ZBTB17: variants seen among roughly 807,000 people sequenced by gnomAD.
ZBTB17 encodes zinc finger and BTB domain containing 17.
ZBTB17 carries 24 observed loss-of-function variants against 85.1 expected under a neutral mutation model. That is an observed-to-expected ratio of 0.28 (90% CI 0.20 to 0.40). The LOEUF is 0.40. ZBTB17 is among the 10% of genes least tolerant of loss of function. ZBTB17 has a pLI of 1.00. For synonymous variants in ZBTB17, 464 were observed against 460.2 expected (o/e 1.01, Z -0.11); for missense variants, 743 against 1,105.1 (o/e 0.67, Z 4.65).
chr1:15,955,562 A>T (rs2072017195), intron 2 of ZBTB17, among the ~76,000 whole-genome samples: 1 of 152,200 alleles, frequency 6.6e-6, no homozygotes, highest in Admixed American at 6.5e-5. Flanking sequence ...TTTGTATTAT[A>T]AAAAAACAGA....
rs530068942 is a variant in ZBTB17, at chr1:15,951,268, A to G, written c.-2-2771T>C. On this transcript the variant is annotated intron_variant, in intron 2 of 15. Transcript: ENST00000375743. The surrounding 1 kb of genome is among the most constrained non-coding windows in gnomAD (Gnocchi z 4.1). ...GATAAGAAGGGGGGAGGAAGAAGTG[A>G]AGATGGGCAAAGTAAGGGAAGGAAA... Among the ~76,000 whole-genome samples, 9 of 150,090 alleles carry G rather than the reference A, an allele frequency of 6.0e-5. No individual in the cohort carries two copies. The highest frequency in any genetic ancestry group is 2.2e-4 in the African/African-American group (9 of 40,524).
intron 1 of ZBTB17, among the ~76,000 whole-genome samples, chr1:15,975,738 G>A (rs1012586664): frequency 1.3e-5 from 2 of 152,024 alleles, no homozygotes; most frequent in African/African-American, 4.8e-5. Context: ...GAGGTGACAC[G>A]CGCCCCCTCG....
At chr1:15,974,085 G>C (rs2072768560) in intron 1 of ZBTB17, among the ~76,000 whole-genome samples, 1 of 151,960 alleles carries the variant, frequency 6.6e-6, no homozygotes, top group Admixed American at 6.5e-5. Context: ...CAGCTAGTTG[G>C]GAGGCTGAGG....
chr1:15,948,453 T>C lies in ZBTB17; in HGVS notation c.43A>G (p.Asn15Asp). 1 of 1,614,068 alleles carries C rather than the reference T, an allele frequency of 6.2e-7. No homozygotes were observed. Among genetic ancestry groups the C allele is most frequent in the Non-Finnish European group, 8.5e-7 (1 of 1,180,052 alleles). Residue 15 changes from asparagine to aspartate, a missense_variant, in exon 3 of 16, where the codon AAC (asparagine) becomes GAC (aspartate). By Grantham distance (23) the Asn-to-Asp change is conservative (BLOSUM62 1). Coordinates refer to ENST00000375743, the MANE Select transcript of ZBTB17 (RefSeq NM_003443.3). Reference sequence around the variant, plus strand: ...AGAAGCCCCAGCTGCCGCTGCTGGTTCAGCTGTTCCAAGACATGCTGGCTG... The same window carrying C: ...AGAAGCCCCAGCTGCCGCTGCTGGTCCAGCTGTTCCAAGACATGCTGGCTG... ...QHSQHVLEQL[N>D]QQRQLGLLCD...
chr1:15,959,614 GGAGGGAGGA>G (rs373396063), intron 2 of ZBTB17, among the ~76,000 whole-genome samples: 6 of 145,888 alleles, frequency 4.1e-5, no homozygotes, highest in Non-Finnish European at 6.1e-5. Context: ...ACAGAGGGAA[GGAGGGAGGA>G]GAGGGAGGAG....
At position 15,944,854 on chromosome 1, in the gene ZBTB17, G is replaced by C. The variant is rs2071524834; in HGVS notation, c.928-15C>G. The C allele has an allele frequency of 6.3e-7, 1 of 1,582,096 alleles. No individual in the cohort carries two copies. Among genetic ancestry groups the C allele is most frequent in the Non-Finnish European group, 8.6e-7 (1 of 1,163,882 alleles). ...TTCCCACAGTCCTGTGGGTGCAGCG[G>C]GGAAGCGGGGTGTGAGGAGCAGCCG... On this transcript the variant is annotated splice_polypyrimidine_tract_variant and intron_variant, in intron 7 of 15. Coordinates refer to ENST00000375743, the MANE Select transcript of ZBTB17 (RefSeq NM_003443.3).
intron 2 of ZBTB17, among the ~76,000 whole-genome samples, chr1:15,955,888 A>C (rs1434519844): frequency 2.0e-5 from 3 of 152,176 alleles, no homozygotes; most frequent in Non-Finnish European, 4.4e-5. Flanking sequence ...ATCCACAACT[A>C]AAGTTTAGCC....
chr1:15,948,208 T>C, intron 3 of ZBTB17, 83 bp downstream of exon 3: 1 of 1,537,234 alleles, frequency 6.5e-7, no homozygotes, highest in East Asian at 2.3e-5. Context: ...CTGCAGGTGC[T>C]GCCCCTGGAG....
At chr1:15,942,869 G>T in intron 13 of ZBTB17, 131 bp from the exon 14 acceptor site, 1 of 1,334,154 alleles carries the variant, frequency 7.5e-7, no homozygotes, top group Non-Finnish European at 1.0e-6. Flanking sequence ...GGCTGCACGG[G>T]TGCCTCTGGT....
chr1:15,957,907 G>T (rs2072110052), intron 2 of ZBTB17, among the ~76,000 whole-genome samples: 1 of 152,146 alleles, frequency 6.6e-6, no homozygotes, highest in Non-Finnish European at 1.5e-5. Flanking sequence ...GACTCCGTGG[G>T]GGGAATCAGA....
Position 15,942,606 on chromosome 1 carries a change from A to G in ZBTB17, c.1961T>C (p.Val654Ala). Residue 654 changes from valine to alanine, a missense_variant, in exon 14 of 16, where the codon GTC becomes GCC. Val to Ala is a moderately conservative substitution (Grantham distance 64). Coordinates refer to ENST00000375743, the MANE Select transcript of ZBTB17 (RefSeq NM_003443.3). ...KILEPEEGSE[V>A]SVVTVDDMVT... ...CATGTCATCCACAGTGACCACGCTGACCTCACTGCCCTCCTCGGGCTCCAG... is the reference window on the plus strand; with the variant it reads ...CATGTCATCCACAGTGACCACGCTGGCCTCACTGCCCTCCTCGGGCTCCAG... 1 of 1,613,288 alleles carries G rather than the reference A, an allele frequency of 6.2e-7. No homozygotes were observed. Among genetic ancestry groups the G allele is most frequent in the Non-Finnish European group, 8.5e-7 (1 of 1,180,030 alleles).
intron 2 of ZBTB17, 23 bp from the exon 3 acceptor site, chr1:15,948,520 G>A: frequency 6.2e-7 from 1 of 1,609,732 alleles, no homozygotes; most frequent in Non-Finnish European, 8.5e-7. Flanking sequence ...AAAGGGCGTT[G>A]GGGTTAGCAC....
At chr1:15,957,210 G>T (rs928994653) in intron 2 of ZBTB17, among the ~76,000 whole-genome samples, 1 of 151,856 alleles carries the variant, frequency 6.6e-6, no homozygotes, top group African/African-American at 2.4e-5. Flanking sequence ...AAATAAAGGA[G>T]GCAAGGGGGA....
In ZBTB17 at chr1:15,966,768, C is replaced by G. The variant is rs1169485713; in HGVS notation, c.-3+6271G>C. Among the ~76,000 whole-genome samples, 1 of 152,072 alleles carries G rather than the reference C, an allele frequency of 6.6e-6. No individual in the cohort carries two copies. The highest frequency in any genetic ancestry group is 1.5e-5 in the Non-Finnish European group (1 of 68,014). ...AGCCACAGTACTTACTCTCTGACCT[C>G]TATTATTTCAACCATTTAAAAATTG... On this transcript the variant is annotated intron_variant, in intron 2 of 15. Transcript: ENST00000375743. The surrounding 1 kb of genome is among the most constrained non-coding windows in gnomAD (Gnocchi z 4.1).
At position 15,943,436 on chromosome 1, in the gene ZBTB17, C is replaced by T; in HGVS notation, c.1660G>A (p.Gly554Arg). 1.2e-6 allele frequency: 2 copies of T among 1,609,664 alleles called. No individual in the cohort carries two copies. Among genetic ancestry groups the T allele is most frequent in the Non-Finnish European group, 8.5e-7 (1 of 1,177,644 alleles). The stretch of plus-strand genomic sequence containing the variant: ...CGCTCGCAGACGTAGGGCTTCTCCC[C>T]GGTGTGCTGGCGCACGTGGGCGATG... Reference protein sequence around the residue: ...SLIAHVRQHTGEKPYVCERCG... With the variant: ...SLIAHVRQHTREKPYVCERCG... The change falls in exon 12 of 16, where the codon GGG becomes AGG. Residue 554 changes from glycine to arginine, a missense_variant. Gly to Arg is a moderately radical substitution (Grantham distance 125). This residue lies in a region of ZBTB17 where 321 missense variants were observed against 615.7 expected (regional missense o/e 0.52). Transcript: ENST00000375743.
At position 15,943,685 on chromosome 1, in the gene ZBTB17, C is replaced by T. The variant is rs1252464881; in HGVS notation, c.1490G>A (p.Ser497Asn). Residue 497 changes from serine (S) to asparagine (N), a missense_variant, in exon 11 of 16, where the codon AGC becomes AAC. Ser to Asn is a conservative substitution (Grantham distance 46, BLOSUM62 1). This residue lies in a region of ZBTB17 where 321 missense variants were observed against 615.7 expected (regional missense o/e 0.52). Transcript: ENST00000375743. ...GATGCACACGTAGGGCTTCTCCCCG[C>T]TGTGGATCCGAAGGTGCCGCTTCAG... ...GNLKRHLRIH[S>N]GEKPYVCIHC... The T allele has an allele frequency of 1.2e-6, 2 of 1,613,182 alleles. No homozygotes were observed. Among genetic ancestry groups the T allele is most frequent in the Non-Finnish European group, 1.7e-6 (2 of 1,179,954 alleles).
At chr1:15,949,738 T>C (rs1374709782) in intron 2 of ZBTB17, among the ~76,000 whole-genome samples, 2 of 152,236 alleles carry the variant, frequency 1.3e-5, no homozygotes, top group Non-Finnish European at 1.5e-5. Context: ...GCTGTGGCCA[T>C]GCATGGCTGT....
intron 2 of ZBTB17, among the ~76,000 whole-genome samples, chr1:15,954,706 CTGAGTGTGG>C (rs1333448585): frequency 6.6e-6 from 1 of 152,032 alleles, no homozygotes; most frequent in African/African-American, 2.4e-5. Flanking sequence ...TTAAAATTAC[CTGAGTGTGG>C]TGGCACACAC....
chr1:15,944,570 G>T lies in ZBTB17; in HGVS notation c.1101C>A (p.Cys367Ter). ...GGCTGATGAGGCGGTAGCTCTTCCCGCACTCCTCGCAGCCGTAGGGCTTCA... is the reference window on the plus strand; with the variant it reads ...GGCTGATGAGGCGGTAGCTCTTCCCTCACTCCTCGCAGCCGTAGGGCTTCA... ...SPLKPYGCEECGKSYRLISLL... is the reference protein window; with the variant it reads ...SPLKPYGCEE Residue 367 changes from cysteine to a stop codon, truncating the protein, a stop_gained, in exon 9 of 16, where the codon TGC becomes TGA. Transcript: ENST00000375743. LOFTEE classifies it high-confidence loss of function. 6.3e-7 allele frequency: 1 copy of T among 1,597,696 alleles called. No individual in the cohort carries two copies.
Sources: allele counts gnomAD v4.1 joint callset (sites outside exome capture counted in the v4.1 genomes callset), GRCh38; gene constraint gnomAD v4.1.1; regional missense constraint gnomAD v4.1.1; non-coding constraint Gnocchi (gnomAD v3.1); transcripts MANE v1.5; gene names NCBI Gene and HGNC (gene_info 2026-07-23, HGNC 2026-07-21).